The following PPP2R2C variants were observed in gnomAD, a reference collection of about 807,000 sequenced individuals.
PPP2R2C encodes the protein protein phosphatase 2, regulatory subunit B, gamma.
In PPP2R2C, 10 loss-of-function variants were observed where a neutral mutation model predicts 45.3. The observed-to-expected ratio is 0.22, with a 90% CI of 0.14 to 0.37. The LOEUF (loss-of-function observed/expected upper bound fraction) is 0.37. PPP2R2C is among the 10% of genes least tolerant of loss of function. The pLI is 1.00. For missense variants in PPP2R2C, 308 were observed against 619.7 expected, an observed-to-expected ratio of 0.50 and a Z score of 5.34; for synonymous variants, 257 against 245.4, an observed-to-expected ratio of 1.05 and a Z score of -0.44.
Position 6,349,261 on chromosome 4 carries a change from C to A in PPP2R2C, c.626-1251G>T, listed in dbSNP as rs6846152. 806 of 985,436 alleles carry A rather than the reference C, an allele frequency of 8.2e-4. 4 individuals carry two copies. The African/African-American group carries it at 0.013, about 16-fold the overall frequency. 61.0% of individuals were successfully genotyped at this position (985,436 alleles called of 1,614,324 possible). On this transcript the variant is annotated intron_variant, in intron 5 of 8. Coordinates refer to ENST00000382599, the MANE Select transcript of PPP2R2C (RefSeq NM_020416.4). ...CTCTGACTCTTCAGGTGCATGTGAG[C>A]CCTGGAGTTGGAAGGTCTGGGGTTT...
At chr4:6,398,659 A>C (rs1276606996) in intron 1 of PPP2R2C, among the ~76,000 whole-genome samples, 1 of 152,152 alleles carries the variant, frequency 6.6e-6, no homozygotes, top group Non-Finnish European at 1.5e-5. Flanking sequence ...GGAATGAAAA[A>C]CGATAGAGCC....
At chr4:6,325,855 G>T (rs1436099769) in intron 8 of PPP2R2C, among the ~76,000 whole-genome samples, 1 of 152,220 alleles carries the variant, frequency 6.6e-6, no homozygotes, top group African/African-American at 2.4e-5. Flanking sequence ...TTCAGCCCCA[G>T]TGCTCCGCTC....
At chr4:6,563,621 G>GGCGGCGGGCGCGGCGGGC (rs1020659128), upstream of PPP2R2C, 1 of 152,718 alleles carries the variant, frequency 6.5e-6, no homozygotes, top group Admixed American at 6.6e-5. This position sits in a 1 kb window ranked among gnomAD's most constrained non-coding sequence, Gnocchi z 5.8. Flanking sequence ...AGCCCTGGTC[G>GGCGGCGGGCGCGGCGGGC]GCGGCGGGCG....
At chr4:6,508,723 T>G (rs1723324647) in intron 2 of PPP2R2C, among the ~76,000 whole-genome samples, 1 of 152,174 alleles carries the variant, frequency 6.6e-6, no homozygotes, top group Non-Finnish European at 1.5e-5. Context: ...AACTGGAGTA[T>G]GACCTTCTAG....
chr4:6,528,784 G>A (rs376203237), intron 2 of PPP2R2C, among the ~76,000 whole-genome samples: 79 of 152,136 alleles, frequency 5.2e-4, no homozygotes, highest in African/African-American at 1.5e-3. Flanking sequence ...GCTCATCCTG[G>A]CTCAAAAGCT....
rs1252574055 is a variant in PPP2R2C, at chr4:6,410,840, GTTTTATTTATTT to G, written c.71-29758_71-29747del. Among the ~76,000 whole-genome samples, 230 of 133,086 alleles carry G rather than the reference GTTTTATTTATTT, an allele frequency of 1.7e-3. 1 individual carries two copies. The highest frequency in any genetic ancestry group is 5.7e-3 in the African/African-American group (209 of 36,756). 87.3% of individuals were successfully genotyped at this position (133,086 alleles called of 152,430 possible). A position where few individuals can be genotyped will look rare whatever the true frequency, so the allele number is the denominator to read the frequency against. Reference sequence around the variant, plus strand: ...TGGAGTAGGGACTACTATTCCCCCTGTTTTATTTATTTATTTATTTATTTATTTATTTATTTA... The same window carrying G: ...TGGAGTAGGGACTACTATTCCCCCTGATTTATTTATTTATTTATTTATTTA... On this transcript the variant is annotated intron_variant, in intron 1 of 8. Transcript: ENST00000382599.
At chr4:6,546,112 G>A (rs192085349) in intron 1 of PPP2R2C, among the ~76,000 whole-genome samples, 14 of 152,340 alleles carry the variant, frequency 9.2e-5, no homozygotes, top group African/African-American at 3.1e-4. Context: ...CATCAATGGT[G>A]CACTGGCCAC....
At chr4:6,383,634 G>T in intron 1 of PPP2R2C, 2 of 486,694 alleles carry the variant, frequency 4.1e-6, no homozygotes, top group Non-Finnish European at 6.6e-6. Flanking sequence ...ACTGCTGTCT[G>T]CACCCCAGCA....
intron 2 of PPP2R2C, among the ~76,000 whole-genome samples, chr4:6,492,089 C>T (rs1210310875): frequency 6.6e-6 from 1 of 152,116 alleles, no homozygotes; most frequent in African/African-American, 2.4e-5. Context: ...AAAAAGCCAG[C>T]CTAAATTAGC....
chr4:6,532,149 G>C (rs1473599508), intron 2 of PPP2R2C, among the ~76,000 whole-genome samples: 1 of 152,160 alleles, frequency 6.6e-6, no homozygotes, highest in African/African-American at 2.4e-5. Flanking sequence ...ACACCAACTT[G>C]TCCTCTCTAA....
At chr4:6,452,810 C>A (rs775103992) in intron 1 of PPP2R2C, among the ~76,000 whole-genome samples, 14 of 152,338 alleles carry the variant, frequency 9.2e-5, no homozygotes, top group Non-Finnish European at 2.1e-4. Flanking sequence ...AGCAAAGTAG[C>A]CGACTGAGTT....
At chr4:6,411,391 G>A (rs920010880) in intron 1 of PPP2R2C, among the ~76,000 whole-genome samples, 1 of 152,126 alleles carries the variant, frequency 6.6e-6, no homozygotes, top group Admixed American at 6.5e-5. Context: ...GCCCAGGCTG[G>A]CACACAGCAG....
chr4:6,411,386 G>C (rs1261790924), intron 1 of PPP2R2C, among the ~76,000 whole-genome samples: 1 of 152,102 alleles, frequency 6.6e-6, no homozygotes, highest in African/African-American at 2.4e-5. Context: ...TCCCAGCCCA[G>C]GCTGGCACAC....
At chr4:6,417,964 C>T (rs187883440) in intron 1 of PPP2R2C, among the ~76,000 whole-genome samples, 40 of 152,262 alleles carry the variant, frequency 2.6e-4, no homozygotes, top group Non-Finnish European at 4.7e-4. Context: ...TGACCCTCTG[C>T]CGCTGGGACA....
At chr4:6,485,940 A>G (rs746564514) in intron 2 of PPP2R2C, among the ~76,000 whole-genome samples, 5 of 151,426 alleles carry the variant, frequency 3.3e-5, no homozygotes, top group Non-Finnish European at 7.4e-5. Context: ...TTTGGGTTTA[A>G]TTTGCTCTTC....
intron 1 of PPP2R2C, among the ~76,000 whole-genome samples, chr4:6,401,040 C>A (rs1313404397): frequency 3.9e-5 from 6 of 152,188 alleles, no homozygotes; most frequent in Non-Finnish European, 8.8e-5. Flanking sequence ...TGGAAACTGA[C>A]ATTTAACCTA....
intron 2 of PPP2R2C, among the ~76,000 whole-genome samples, chr4:6,526,167 T>C (rs550600012): frequency 6.6e-6 from 1 of 152,396 alleles, no homozygotes; most frequent in Non-Finnish European, 1.5e-5. Flanking sequence ...ATAGGATGCA[T>C]GTAACATACA....
intron 5 of PPP2R2C, among the ~76,000 whole-genome samples, chr4:6,366,124 C>A (rs1466642098): frequency 1.3e-5 from 2 of 152,190 alleles, no homozygotes; most frequent in Non-Finnish European, 2.9e-5. Context: ...GTTTAAGAGA[C>A]AAAATAAACC....
chr4:6,411,267 C>T lies in PPP2R2C; in HGVS notation c.71-30173G>A, dbSNP rs907460317. Among the ~76,000 whole-genome samples the T allele has an allele frequency of 1.1e-4, 17 of 152,150 alleles. 1 individual carries two copies. The highest frequency in any genetic ancestry group is 2.5e-4 in the Non-Finnish European group (17 of 68,022). On this transcript the variant is annotated intron_variant, in intron 1 of 8. Transcript: ENST00000382599. Reference sequence around the variant, plus strand: ...CCAGGAAGTGGTGGGGCCAGGACTCCAGCCCCTGCAATCCTCCTCCTCACC... The same window carrying T: ...CCAGGAAGTGGTGGGGCCAGGACTCTAGCCCCTGCAATCCTCCTCCTCACC...
Sources: allele counts gnomAD v4.1 joint callset (sites outside exome capture counted in the v4.1 genomes callset), GRCh38; gene constraint gnomAD v4.1.1; non-coding constraint Gnocchi (gnomAD v3.1); transcripts MANE v1.5; gene names NCBI Gene and HGNC (gene_info 2026-07-23, HGNC 2026-07-21).